The following PSMB2 variants were observed in gnomAD, a reference collection of about 807,000 sequenced individuals.
PSMB2 encodes the protein proteasome subunit beta type-2.
In PSMB2, 13 loss-of-function variants were observed where a neutral mutation model predicts 25.7. That is an observed-to-expected ratio of 0.51 (90% CI 0.33 to 0.80). The LOEUF is 0.80. Ranked by LOEUF, PSMB2 falls within the 30% of genes least tolerant of loss-of-function variation. PSMB2 has a pLI of 0.02. For missense variants in PSMB2, 202 were observed against 259.0 expected (o/e 0.78, Z 1.51); for synonymous variants, 87 against 96.2 (o/e 0.90, Z 0.56).
intron 4 of PSMB2, among the ~76,000 whole-genome samples, chr1:35,606,101 C>CA (rs1342674853): frequency 6.6e-6 from 1 of 152,142 alleles, no homozygotes; most frequent in African/African-American, 2.4e-5. Context: ...CTAAGAATTC[C>CA]AAAGTACCCA....
Position 35,599,914 on chromosome 1 carries a change from C to T in PSMB2, c.*3353G>A, listed in dbSNP as rs908405148. ...TTGGCAGACCAAGGTGGGAGGATCA[C>T]TTGAGGCCAAGAGTTCGAGACCAGC... On this transcript the variant is annotated 3_prime_UTR_variant, in exon 6 of 6. Transcript: ENST00000373237. The T allele has an allele frequency of 1.1e-6, 1 of 909,458 alleles. No individual in the cohort carries two copies. The highest frequency in any genetic ancestry group is 1.8e-5 in the African/African-American group (1 of 55,522). The allele number at this position is 909,458 out of a possible 1,614,324, so 56.3% of individuals were successfully genotyped here.
intron 3 of PSMB2, among the ~76,000 whole-genome samples, chr1:35,622,183 G>A (rs1171895370): frequency 1.3e-5 from 2 of 152,076 alleles, no homozygotes; most frequent in Non-Finnish European, 2.9e-5. Context: ...TCATGAGGTT[G>A]TTGAGATCAG....
chr1:35,599,641 A>C lies in PSMB2; in HGVS notation c.*3626T>G, dbSNP rs1299395794. The C allele has an allele frequency of 1.0e-6, 1 of 984,336 alleles. No homozygotes were observed. The highest frequency in any genetic ancestry group is 1.2e-6 in the Non-Finnish European group (1 of 828,922). 61.0% of individuals were successfully genotyped at this position (984,336 alleles called of 1,614,324 possible). On this transcript the variant is annotated 3_prime_UTR_variant, in exon 6 of 6. Coordinates refer to ENST00000373237, the MANE Select transcript of PSMB2 (RefSeq NM_002794.5). ...GAATGCCTAGCATGTCAAATCAAAG[A>C]ATTGGGCTTTATTCTCTTAAGCCAT...
chr1:35,627,989 C>A (rs543119699), intron 3 of PSMB2, among the ~76,000 whole-genome samples: 1 of 152,260 alleles, frequency 6.6e-6, no homozygotes, highest in South Asian at 2.1e-4. Context: ...AACTGGCTGA[C>A]CCAAAATGAG....
rs1323187830 is a variant in PSMB2 at position 35,641,383 on chromosome 1, G to A, written c.50C>T (p.Ser17Phe). 6.2e-7 allele frequency: 1 copy of A among 1,614,108 alleles called. No homozygotes were observed. The highest frequency in any genetic ancestry group is 8.5e-7 in the Non-Finnish European group (1 of 1,180,016). The change falls in exon 1 of 6, where the codon TCC becomes TTC. Residue 17 changes from serine (S) to phenylalanine (F), a missense_variant. By Grantham distance (155) the Ser-to-Phe change is radical. Coordinates refer to ENST00000373237, the MANE Select transcript of PSMB2 (RefSeq NM_002794.5). ...AATATTGCTGGCGGCCACCCGGTCG[G>A]AGGCGACAAGAACATAGTCGGGGCC... ...IQGPDYVLVA[S>F]DRVAASNIVQ...
intron 3 of PSMB2, among the ~76,000 whole-genome samples, chr1:35,613,548 G>A (rs2148565929): frequency 6.6e-6 from 1 of 152,288 alleles, no homozygotes; most frequent in African/African-American, 2.4e-5. Flanking sequence ...AAACAAATGT[G>A]AGAAAGCAAT....
intron 1 of PSMB2, among the ~76,000 whole-genome samples, chr1:35,639,587 T>C (rs907267975): frequency 2.6e-5 from 4 of 152,358 alleles, no homozygotes; most frequent in Middle Eastern, 3.4e-3. Context: ...TTATAAGTAA[T>C]ATACTGCATC....
chr1:35,631,384 G>C, intron 2 of PSMB2, 40 bp from the exon 3 acceptor site: 1 of 1,610,226 alleles, frequency 6.2e-7, no homozygotes, highest in Non-Finnish European at 8.5e-7. Flanking sequence ...AAGTAAAGCA[G>C]AAGGAATAAC....
Position 35,600,999 on chromosome 1 carries a change from T to C in PSMB2, c.*2268A>G, listed in dbSNP as rs1443424985. ...CAGATGGGAAAATCATGTAGCAGGA[T>C]AGTCTGTGCTTTAGTAGCAGCACTC... is the stretch of plus-strand genomic sequence containing the variant. On this transcript the variant is annotated 3_prime_UTR_variant, in exon 6 of 6. Coordinates refer to ENST00000373237, the MANE Select transcript of PSMB2 (RefSeq NM_002794.5). 4.1e-6 allele frequency: 4 copies of C among 984,670 alleles called. No individual in the cohort carries two copies. Among genetic ancestry groups the C allele is most frequent in the South Asian group, 4.7e-5 (1 of 21,258 alleles). The allele number at this position is 984,670 out of a possible 1,614,324, so 61.0% of individuals were successfully genotyped here. A position where few individuals can be genotyped will look rare whatever the true frequency, so the allele number is the denominator to read the frequency against.
intron 3 of PSMB2, among the ~76,000 whole-genome samples, chr1:35,617,222 A>G (rs1268400190): frequency 6.6e-6 from 1 of 152,048 alleles, no homozygotes; most frequent in Non-Finnish European, 1.5e-5. Context: ...CTAATTTTGT[A>G]TTTTTAGTAG....
intron 2 of PSMB2, 45 bp from the exon 3 acceptor site, chr1:35,631,389 A>C: frequency 6.2e-7 from 1 of 1,609,054 alleles, no homozygotes; most frequent in Non-Finnish European, 8.5e-7. Flanking sequence ...AAGCAGAAGG[A>C]ATAACAGTGC....
chr1:35,627,258 C>CAAAA lies in PSMB2; in HGVS notation c.285+4012_285+4015dup, dbSNP rs772688881. 1.6e-4 allele frequency among the ~76,000 whole-genome samples: 6 copies of CAAAA among 36,450 alleles called. 1 individual carries two copies. Among genetic ancestry groups the CAAAA allele is most frequent in the Non-Finnish European group, 3.2e-4 (5 of 15,522 alleles). The allele number at this position is 36,450 out of a possible 152,430, so 23.9% of individuals were successfully genotyped here. On this transcript the variant is annotated intron_variant, in intron 3 of 5. Transcript: ENST00000373237. ...TAGGTGACAGAGCGAGACCCTATCT[C>CAAAA]AAAAAAAAAAAAAAAAAAAAAAAAG...
At chr1:35,622,002 A>G (rs1364260020) in intron 3 of PSMB2, among the ~76,000 whole-genome samples, 1 of 151,628 alleles carries the variant, frequency 6.6e-6, no homozygotes, top group Non-Finnish European at 1.5e-5. Context: ...TCTCAAAAAG[A>G]AGAAAAAAAA....
At position 35,603,226 on chromosome 1, in the gene PSMB2, C is replaced by G. The variant is rs766368141; in HGVS notation, c.*41G>C. The G allele has an allele frequency of 6.3e-7, 1 of 1,589,332 alleles. No homozygotes were observed. The highest frequency in any genetic ancestry group is 1.2e-5 in the South Asian group (1 of 86,586). ...AGTAGAAAAAAATAAAGGAGCCCATCAAAAAAAAGTTCCCTGGCAAGTGGG... is the reference window on the plus strand; with the variant it reads ...AGTAGAAAAAAATAAAGGAGCCCATGAAAAAAAAGTTCCCTGGCAAGTGGG... On this transcript the variant is annotated 3_prime_UTR_variant, in exon 6 of 6. Coordinates refer to ENST00000373237, the MANE Select transcript of PSMB2 (RefSeq NM_002794.5).
At chr1:35,631,726 A>G (rs1036556120) in intron 2 of PSMB2, among the ~76,000 whole-genome samples, 2 of 152,236 alleles carry the variant, frequency 1.3e-5, no homozygotes, top group Non-Finnish European at 2.9e-5. Flanking sequence ...TTTATTTTAA[A>G]AAGGATATTG....
chr1:35,627,446 A>C (rs1300359882), intron 3 of PSMB2, among the ~76,000 whole-genome samples: 1 of 152,036 alleles, frequency 6.6e-6, no homozygotes, highest in Non-Finnish European at 1.5e-5. Flanking sequence ...GCTTGAGCCC[A>C]GGAGTTCGGG....
intron 3 of PSMB2, among the ~76,000 whole-genome samples, chr1:35,626,115 G>A (rs774616416): frequency 2.6e-5 from 4 of 152,102 alleles, no homozygotes; most frequent in Non-Finnish European, 5.9e-5. Flanking sequence ...TAGGATTACC[G>A]GCATGAGCCA....
At chr1:35,629,189 C>T (rs898236670) in intron 3 of PSMB2, among the ~76,000 whole-genome samples, 1 of 152,158 alleles carries the variant, frequency 6.6e-6, no homozygotes, top group Admixed American at 6.5e-5. Context: ...TTATGATTTA[C>T]AAGCATTCAT....
chr1:35,617,205 C>T (rs1399243733), intron 3 of PSMB2, among the ~76,000 whole-genome samples: 4 of 152,118 alleles, frequency 2.6e-5, no homozygotes, highest in South Asian at 4.1e-4. Flanking sequence ...CACGCCACCA[C>T]GCCAGGCTAA....
Sources: allele counts gnomAD v4.1 joint callset (sites outside exome capture counted in the v4.1 genomes callset), GRCh38; gene constraint gnomAD v4.1.1; transcripts MANE v1.5; gene names NCBI Gene and HGNC (gene_info 2026-07-23, HGNC 2026-07-21).